Variants in OR52N4 observed in about 807,000 individuals in gnomAD.
OR52N4 encodes olfactory receptor family 52 subfamily N member 4.
In OR52N4, 15 loss-of-function variants were observed where a neutral mutation model predicts 15.0. The observed-to-expected ratio is 1.00, with a 90% CI of 0.67 to 1.54. The LOEUF is 1.54. Ranked by LOEUF, OR52N4 falls within the 40% of genes most tolerant of loss-of-function variation. The pLI, the probability that OR52N4 is intolerant of heterozygous loss-of-function variation, is 0.00. For synonymous variants in OR52N4, 143 were observed against 143.7 expected (o/e 1.00, Z 0.03); for missense variants, 421 against 394.0 (o/e 1.07, Z -0.58).
At chr11:5,742,868 T>C in the OR52N4 span, among the ~76,000 whole-genome samples, 1 of 152,096 alleles carries the variant, frequency 6.6e-6, no homozygotes. Flanking sequence ...ATGAACATCA[T>C]GACAAGAACA....
upstream of OR52N4, among the ~76,000 whole-genome samples, chr11:5,751,649 T>A (rs1250558048): frequency 6.6e-6 from 1 of 152,118 alleles, no homozygotes; most frequent in Non-Finnish European, 1.5e-5. Context: ...TTCATTTACT[T>A]ATTTGTTTAT....
Position 5,755,031 on chromosome 11 carries a change from T to C in OR52N4, c.291T>C (p.Asp97=), listed in dbSNP as rs776564930. 3 of 1,614,040 alleles carry C rather than the reference T, an allele frequency of 1.9e-6. No individual in the cohort carries two copies. The highest frequency in any genetic ancestry group is 2.5e-6 in the Non-Finnish European group (3 of 1,179,958). ...FWFHLKDIGF[D]ECLVQMFFTH... is the part of the protein sequence containing the mutation. ...TTCATCTCAAGGACATTGGATTTGA[T>C]GAATGCCTTGTCCAGATGTTCTTCA... Residue 97 remains aspartate, a synonymous_variant, in exon 2 of 2, where the codon GAT becomes GAC. Transcript: ENST00000641350.
At chr11:5,753,150 T>C (rs1854223850), upstream of OR52N4, among the ~76,000 whole-genome samples, 1 of 152,144 alleles carries the variant, frequency 6.6e-6, no homozygotes, top group Non-Finnish European at 1.5e-5. Context: ...CATAGTTTTG[T>C]TGGAAATGGC....
upstream of OR52N4, among the ~76,000 whole-genome samples, chr11:5,753,196 A>G (rs1854224555): frequency 6.6e-6 from 1 of 152,138 alleles, no homozygotes; most frequent in Non-Finnish European, 1.5e-5. Context: ...ATTATGAGAT[A>G]TCTAATAAAG....
the OR52N4 span, among the ~76,000 whole-genome samples, chr11:5,731,428 A>G: frequency 1.8e-4 from 28 of 152,300 alleles, no homozygotes; most frequent in Admixed American, 1.7e-3. Context: ...GTAATACAGT[A>G]AAGGGTTTTC....
At chr11:5,733,165 T>A in the OR52N4 span, among the ~76,000 whole-genome samples, 1 of 152,056 alleles carries the variant, frequency 6.6e-6, no homozygotes, top group Admixed American at 6.6e-5. Flanking sequence ...TAAATTATCC[T>A]AAACCTTTTC....
chr11:5,755,560 T>C lies in OR52N4; in HGVS notation c.820T>C (p.Ser274Pro). The C allele has an allele frequency of 6.2e-7, 1 of 1,613,900 alleles. No individual in the cohort carries two copies. Residue 274 changes from serine (S) to proline (P), a missense_variant, in exon 2 of 2, where the codon TCT (serine) becomes CCT (proline). Coordinates refer to ENST00000641350, the MANE Select transcript of OR52N4 (RefSeq NM_001005175.5). Reference protein sequence around the residue: ...HRFGEHIIPPSCHIIVANIYL... With the variant: ...HRFGEHIIPPPCHIIVANIYL... ...CTTTGGGGAACACATAATCCCCCCTTCTTGCCACATCATTGTAGCCAATAT... is the reference window on the plus strand; with the variant it reads ...CTTTGGGGAACACATAATCCCCCCTCCTTGCCACATCATTGTAGCCAATAT...
chr11:5,733,658 A>G, the OR52N4 span, among the ~76,000 whole-genome samples: 14,734 of 152,190 alleles, frequency 0.097, 755 homozygotes, highest in Middle Eastern at 0.16. Context: ...CTAGACCACA[A>G]TTTCAATGAG....
chr11:5,748,509 T>A, the OR52N4 span, among the ~76,000 whole-genome samples: 1 of 151,894 alleles, frequency 6.6e-6, no homozygotes, highest in Non-Finnish European at 1.5e-5. Context: ...AACTTTTGAT[T>A]ACATTTTAGA....
At chr11:5,753,988 CAAAAA>C (rs60504408), upstream of OR52N4, among the ~76,000 whole-genome samples, 4 of 79,666 alleles carry the variant, frequency 5.0e-5, no homozygotes. Context: ...GACTCTGCCT[CAAAAA>C]AAAAAAAAAA....
At chr11:5,743,823 C>T in the OR52N4 span, among the ~76,000 whole-genome samples, 2 of 151,698 alleles carry the variant, frequency 1.3e-5, no homozygotes, top group East Asian at 3.9e-4. Context: ...CCTCAAGGAA[C>T]CAGACAAATA....
upstream of OR52N4, among the ~76,000 whole-genome samples, chr11:5,752,259 A>G (rs1429474139): frequency 6.6e-6 from 1 of 152,204 alleles, no homozygotes; most frequent in Non-Finnish European, 1.5e-5. Context: ...TGACTTGAGT[A>G]CATATCTTTG....
In OR52N4 at chr11:5,754,875, T is replaced by C; in HGVS notation, c.135T>C (p.Cys45=). 1 of 1,613,880 alleles carries C rather than the reference T, an allele frequency of 6.2e-7. No individual in the cohort carries two copies. The highest frequency in any genetic ancestry group is 1.1e-5 in the South Asian group (1 of 91,082). ...ATGTTGTGGCTATGGTAGGGAATTG[T>C]GGACTCCTCTACCTCATTCACTATG... ...SMYVVAMVGN[C]GLLYLIHYED... Residue 45 remains cysteine, a synonymous_variant, in exon 2 of 2, where the codon TGT becomes TGC. Coordinates refer to ENST00000641350, the MANE Select transcript of OR52N4 (RefSeq NM_001005175.5).
At chr11:5,752,798 T>G (rs1232622182), upstream of OR52N4, among the ~76,000 whole-genome samples, 1 of 152,178 alleles carries the variant, frequency 6.6e-6, no homozygotes, top group Non-Finnish European at 1.5e-5. Flanking sequence ...ATACTGCCTT[T>G]CAGTTATCAC....
the OR52N4 span, chr11:5,736,741 C>G: frequency 6.2e-7 from 1 of 1,614,046 alleles, no homozygotes; most frequent in Non-Finnish European, 8.5e-7. Flanking sequence ...TTGGCATCCT[C>G]TGTATGGTAG....
At chr11:5,736,268 T>C in the OR52N4 span, 6 of 481,202 alleles carry the variant, frequency 1.2e-5, no homozygotes, top group African/African-American at 7.7e-5. Context: ...TGAAATGATG[T>C]AGCTATAAAT....
chr11:5,754,674 T>G lies in OR52N4; in HGVS notation c.-48-19T>G, dbSNP rs1190712219. 1.4e-5 allele frequency: 11 copies of G among 814,268 alleles called. No individual in the cohort carries two copies. Among genetic ancestry groups the G allele is most frequent in the Non-Finnish European group, 1.6e-5 (10 of 607,402 alleles). 50.4% of individuals were successfully genotyped at this position (814,268 alleles called of 1,614,324 possible). On this transcript the variant is annotated intron_variant, in intron 1 of 1. Transcript: ENST00000641350. ...TAAAAATAACCTATATTTTCTCTTG[T>G]TTTTTTTTTTAACTCTAGGAAAGCC...
At chr11:5,727,045 T>TGAGC in the OR52N4 span, 92,499 of 152,608 alleles carry the variant, frequency 0.61, 28,290 homozygotes, top group Admixed American at 0.69. Context: ...ACACGTACTG[T>TGAGC]ACATGGCTGT....
chr11:5,736,536 C>T, the OR52N4 span: 1 of 1,613,536 alleles, frequency 6.2e-7, no homozygotes, highest in Admixed American at 1.7e-5. Context: ...ATGTCTGCAT[C>T]TCTCAAAATC....
Sources: allele counts gnomAD v4.1 joint callset (sites outside exome capture counted in the v4.1 genomes callset), GRCh38; gene constraint gnomAD v4.1.1; transcripts MANE v1.5; gene names NCBI Gene and HGNC (gene_info 2026-07-23, HGNC 2026-07-21).